EIF2A: variants seen among roughly 807,000 people sequenced by gnomAD.
EIF2A encodes the protein eukaryotic translation initiation factor 2A.
A neutral mutation model predicts 75.2 loss-of-function variants in EIF2A; 62 were observed. The observed-to-expected ratio is 0.82, with a 90% CI of 0.67 to 1.02. EIF2A has a LOEUF of 1.02. Among genes scored for constraint, EIF2A ranks in the 50% least tolerant of loss-of-function variants. EIF2A has a pLI of 0.00. For missense variants in EIF2A, 611 were observed against 677.7 expected (o/e 0.90, Z 1.09); for synonymous variants, 207 against 239.0 (o/e 0.87, Z 1.23).
chr3:150,568,119 C>G, intron 8 of EIF2A, 57 bp from the exon 9 acceptor site: 1 of 1,601,358 alleles, frequency 6.2e-7, no homozygotes, highest in Non-Finnish European at 8.5e-7. Flanking sequence ...ATGTGTATAA[C>G]AGAAGAATCA....
At chr3:150,559,498 CTTTT>C (rs36038911) in intron 3 of EIF2A, among the ~76,000 whole-genome samples, 1 of 110,576 alleles carries the variant, frequency 9.0e-6, no homozygotes, top group African/African-American at 3.5e-5. Context: ...ATGCCCAGCC[CTTTT>C]TTTTTTTTTT....
At chr3:150,582,126 G>A (rs879842654) in intron 12 of EIF2A, among the ~76,000 whole-genome samples, 1 of 151,400 alleles carries the variant, frequency 6.6e-6, no homozygotes, top group Non-Finnish European at 1.5e-5. Context: ...TCAGCCTCCC[G>A]AGTAGCTGGG....
At chr3:150,582,248 G>A (rs922028677) in intron 12 of EIF2A, among the ~76,000 whole-genome samples, 14 of 151,650 alleles carry the variant, frequency 9.2e-5, no homozygotes, top group Admixed American at 5.9e-4. Flanking sequence ...TAATCCACCC[G>A]CCTCGACCTC....
At chr3:150,555,264 TA>T (rs1723502927) in intron 2 of EIF2A, among the ~76,000 whole-genome samples, 1 of 151,020 alleles carries the variant, frequency 6.6e-6, no homozygotes, top group Non-Finnish European at 1.5e-5. Flanking sequence ...CTTATTTATT[TA>T]TTTTTTTTGA....
At chr3:150,575,587 TTTG>T (rs1000193747) in intron 10 of EIF2A, 59 bp from the exon 11 acceptor site, 3 of 1,200,510 alleles carry the variant, frequency 2.5e-6, no homozygotes, top group African/African-American at 1.6e-5. Context: ...AAGTGTATAA[TTTG>T]TTGTTGTAGG....
chr3:150,546,911 G>T, intron 1 of EIF2A, 81 bp downstream of exon 1: 1 of 1,584,558 alleles, frequency 6.3e-7, no homozygotes, highest in Non-Finnish European at 8.6e-7. Context: ...ACTACCCGAG[G>T]AGCCGGGGAG....
chr3:150,583,310 T>TAAA, intron 13 of EIF2A, 45 bp downstream of exon 13: 2 of 1,564,726 alleles, frequency 1.3e-6, no homozygotes, highest in Non-Finnish European at 1.7e-6. Context: ...ACCACCAGCC[T>TAAA]TCCCCCTTTT....
intron 7 of EIF2A, 28 bp from the exon 8 acceptor site, chr3:150,567,874 A>C: frequency 6.3e-7 from 1 of 1,580,570 alleles, no homozygotes; most frequent in Non-Finnish European, 8.6e-7. Context: ...CAAAAAATTA[A>C]GTAATGATTT....
rs147681909 is a variant in EIF2A at position 150,583,359 on chromosome 3, G to A, written c.1692+94G>A. On this transcript the variant is annotated intron_variant, in intron 13 of 13. Transcript: ENST00000460851. ...ATTTAGTCAGGTAAAAGAGCACATG[G>A]AGTTTAAAAACTTATTTTGAAAACC... The A allele has an allele frequency of 8.1e-6, 10 of 1,234,642 alleles. No individual in the cohort carries two copies. In the East Asian group the frequency reaches 2.5e-4, roughly 31 times the overall value. The allele number at this position is 1,234,642 out of a possible 1,614,324, so 76.5% of individuals were successfully genotyped here.
intron 9 of EIF2A, among the ~76,000 whole-genome samples, chr3:150,569,883 C>T (rs1008685361): frequency 6.6e-6 from 1 of 151,522 alleles, no homozygotes; most frequent in Non-Finnish European, 1.5e-5. Context: ...ACTGGTAAAA[C>T]TGATAAATCA....
intron 1 of EIF2A, 23 bp downstream of exon 1, chr3:150,546,853 A>T (rs1559871498): frequency 6.2e-7 from 1 of 1,611,046 alleles, no homozygotes; most frequent in Middle Eastern, 2.0e-4. Context: ...GAAGCGAGGG[A>T]CTCTCTTTCT....
intron 5 of EIF2A, 56 bp downstream of exon 5, chr3:150,563,670 T>C: frequency 3.3e-6 from 4 of 1,214,386 alleles, no homozygotes; most frequent in Non-Finnish European, 4.5e-6. Flanking sequence ...ATGTCATCAC[T>C]GTATAATATT....
At position 150,564,303 on chromosome 3, in the gene EIF2A, C is replaced by T; in HGVS notation, c.397C>T (p.Pro133Ser). 1 of 1,568,840 alleles carries T rather than the reference C, an allele frequency of 6.4e-7. No homozygotes were observed. The highest frequency in any genetic ancestry group is 2.0e-5 in the Admixed American group (1 of 50,834). The change falls in exon 6 of 14, where the codon CCA becomes TCA. Residue 133 changes from proline to serine, a missense_variant. Coordinates refer to ENST00000460851, the MANE Select transcript of EIF2A (RefSeq NM_032025.5). ...FIQKKMQNWC[P>S]SWSEDETLCA... ...TTTTTTTTTTCATTGACATAGGTGT[C>T]CATCCTGGTCAGAAGATGAAACTCT...
chr3:150,575,573 G>T (rs1724804474), intron 10 of EIF2A, 76 bp from the exon 11 acceptor site: 1 of 1,072,076 alleles, frequency 9.3e-7, no homozygotes, highest in Non-Finnish European at 1.3e-6. Context: ...TCCTATATTA[G>T]CAGAAGTGTA....
chr3:150,547,038 C>T, intron 1 of EIF2A: 1 of 607,322 alleles, frequency 1.6e-6, no homozygotes, highest in South Asian at 2.1e-5. Flanking sequence ...CCCTCCCTTT[C>T]ACCCATCCAT....
Position 150,572,430 on chromosome 3 carries a change from C to CCAA in EIF2A, c.1285_1287dup (p.Gln429dup). 1 of 1,613,994 alleles carries CCAA rather than the reference C, an allele frequency of 6.2e-7. No homozygotes were observed. The highest frequency in any genetic ancestry group is 8.5e-7 in the Non-Finnish European group (1 of 1,179,874). On this transcript the variant is annotated inframe_insertion, in exon 10 of 14. Transcript: ENST00000460851. ...TATTTCCAGCAAAAACAATAACTTA[C>CCAA]CAAGCAGTTCCAAGTGAAGTACCCA...
intron 11 of EIF2A, among the ~76,000 whole-genome samples, chr3:150,577,789 G>A (rs1210062817): frequency 2.6e-5 from 4 of 152,030 alleles, no homozygotes; most frequent in African/African-American, 9.7e-5. Flanking sequence ...CTTGAATTTT[G>A]ACAGGTCTAG....
At chr3:150,582,698 GAC>G (rs1253488586) in intron 12 of EIF2A, among the ~76,000 whole-genome samples, 2 of 152,132 alleles carry the variant, frequency 1.3e-5, no homozygotes, top group Non-Finnish European at 2.9e-5. Flanking sequence ...AAGATGAAGA[GAC>G]AGAGACAAAA....
Position 150,583,236 on chromosome 3 carries a change from G to A in EIF2A, c.1663G>A (p.Ala555Thr), listed in dbSNP as rs773552578. 104 of 1,612,604 alleles carry A rather than the reference G, an allele frequency of 6.4e-5. No homozygotes were observed. Among genetic ancestry groups the A allele is most frequent in the Middle Eastern group, 3.3e-4 (2 of 6,078 alleles). Reference sequence around the variant, plus strand: ...AATCGAACAACTGAAAGAACAAGCAGCAACTGGAAAACAGCTAGAAAAAAA... The same window carrying A: ...AATCGAACAACTGAAAGAACAAGCAACAACTGGAAAACAGCTAGAAAAAAA... ...KAIEQLKEQA[A>T]TGKQLEKNQL... The change falls in exon 13 of 14, where the codon GCA becomes ACA. Residue 555 changes from alanine (A) to threonine (T), a missense_variant. By Grantham distance (58) the Ala-to-Thr change is moderately conservative. Transcript: ENST00000460851.
Sources: allele counts gnomAD v4.1 joint callset (sites outside exome capture counted in the v4.1 genomes callset), GRCh38; gene constraint gnomAD v4.1.1; transcripts MANE v1.5; gene names NCBI Gene and HGNC (gene_info 2026-07-23, HGNC 2026-07-21).